RMP24: variants seen among roughly 807,000 people sequenced by gnomAD.
RMP24 encodes the protein ribonuclease MRP protein subunit p24.
chr18:35,972,992 G>A, the RMP24 span: 2 of 1,544,778 alleles, frequency 1.3e-6, no homozygotes, highest in Non-Finnish European at 1.8e-6. Flanking sequence ...TAAGGCCGAT[G>A]GACTCACTTC....
the RMP24 span, chr18:35,973,564 G>GC: frequency 6.6e-6 from 1 of 152,454 alleles, no homozygotes; most frequent in East Asian, 1.9e-4. Context: ...AGCTATTCTT[G>GC]ACTCCCTAAC....
chr18:35,975,056 A>G, the RMP24 span: 1 of 1,613,836 alleles, frequency 6.2e-7, no homozygotes, highest in Non-Finnish European at 8.5e-7. Context: ...TTAAAGAAGC[A>G]AAAATGGTGA....
the RMP24 span, chr18:35,974,063 T>G: frequency 6.6e-6 from 1 of 152,420 alleles, no homozygotes; most frequent in Admixed American, 6.5e-5. Context: ...TAGGTCTCCT[T>G]GCTTTTCTGT....
At chr18:35,978,955 G>C in the RMP24 span, 1 of 1,611,438 alleles carries the variant, frequency 6.2e-7, no homozygotes, top group Non-Finnish European at 8.5e-7. Context: ...AGATTCCAAA[G>C]GTGGACTTCA....
chr18:35,974,781 C>T, the RMP24 span: 1 of 945,392 alleles, frequency 1.1e-6, no homozygotes, highest in South Asian at 1.7e-5. Flanking sequence ...TTTGAGTTTA[C>T]TTAATGTGTA....
the RMP24 span, among the ~76,000 whole-genome samples, chr18:35,978,143 G>A: frequency 1.3e-5 from 2 of 152,154 alleles, no homozygotes; most frequent in Non-Finnish European, 2.9e-5. Context: ...TTTTCCTCAT[G>A]GGTCTCCCTG....
At chr18:35,972,919 G>T in the RMP24 span, 1 of 1,614,068 alleles carries the variant, frequency 6.2e-7, no homozygotes, top group Non-Finnish European at 8.5e-7. Context: ...TAAGAAGAAC[G>T]CCTGTCTCTT....
the RMP24 span, chr18:35,979,143 C>G: frequency 1.2e-6 from 1 of 845,598 alleles, no homozygotes; most frequent in Non-Finnish European, 1.8e-6. Context: ...GGGAAAATAC[C>G]TCATTAGTGT....
the RMP24 span, chr18:35,972,717 G>A: frequency 2.5e-6 from 4 of 1,601,818 alleles, no homozygotes; most frequent in Non-Finnish European, 3.4e-6. Context: ...GCCAGCGGCA[G>A]CGGCGGCGGC....
At chr18:35,978,330 AC>A in the RMP24 span, among the ~76,000 whole-genome samples, 1 of 152,172 alleles carries the variant, frequency 6.6e-6, no homozygotes, top group Non-Finnish European at 1.5e-5. Context: ...ACAAAACTGA[AC>A]CATTCACGGC....
the RMP24 span, chr18:35,977,715 C>T: frequency 2.0e-6 from 2 of 1,015,484 alleles, no homozygotes; most frequent in Non-Finnish European, 2.8e-6. Context: ...GGCCATTTTT[C>T]CTCCATACCC....
At chr18:35,975,673 C>T in the RMP24 span, among the ~76,000 whole-genome samples, 7 of 152,140 alleles carry the variant, frequency 4.6e-5, no homozygotes, top group Admixed American at 1.3e-4. Context: ...ATATGGAGGC[C>T]AGTAGCAAAT....
the RMP24 span, chr18:35,972,918 C>T: frequency 6.2e-7 from 1 of 1,614,182 alleles, no homozygotes; most frequent in Non-Finnish European, 8.5e-7. Flanking sequence ...GTAAGAAGAA[C>T]GCCTGTCTCT....
At chr18:35,976,933 T>C in the RMP24 span, among the ~76,000 whole-genome samples, 1 of 152,324 alleles carries the variant, frequency 6.6e-6, no homozygotes, top group South Asian at 2.1e-4. Context: ...CATTTTCTCA[T>C]TTAAAATTTG....
chr18:35,972,768 C>A, the RMP24 span: 1 of 1,613,902 alleles, frequency 6.2e-7, no homozygotes, highest in Middle Eastern at 1.7e-4. Flanking sequence ...AGCGCGGGGA[C>A]TGCACGACAG....
At chr18:35,974,952 G>A in the RMP24 span, 1 of 1,614,086 alleles carries the variant, frequency 6.2e-7, no homozygotes, top group Non-Finnish European at 8.5e-7. Context: ...GTTGGTTCTG[G>A]ATAACTCTCG....
the RMP24 span, chr18:35,977,338 A>G: frequency 2.9e-5 from 41 of 1,407,372 alleles, no homozygotes; most frequent in African/African-American, 4.9e-4. Flanking sequence ...TTAAGAATTC[A>G]ATGAACCTGT....
the RMP24 span, chr18:35,979,004 TAAG>T: frequency 6.3e-7 from 1 of 1,575,958 alleles, no homozygotes; most frequent in South Asian, 1.2e-5. Flanking sequence ...ACTTTTAAAA[TAAG>T]AAATGCCTGA....
the RMP24 span, among the ~76,000 whole-genome samples, chr18:35,975,477 A>G: frequency 1.3e-5 from 2 of 152,168 alleles, no homozygotes; most frequent in Admixed American, 6.5e-5. Context: ...TGTAGGTATC[A>G]TGTCACTTCT....
Sources: gnomAD v4.1 joint callset for allele counts (sites outside exome capture counted in the v4.1 genomes callset) on GRCh38, gnomAD v4.1.1 for gene constraint, MANE v1.5 for transcripts, NCBI Gene and HGNC (gene_info 2026-07-23, HGNC 2026-07-21) for gene names.